SOX5: variants seen among roughly 807,000 people sequenced by gnomAD.
SOX5 encodes transcription factor SOX-5.
A neutral mutation model predicts 92.0 loss-of-function variants in SOX5; 9 were observed. The ratio of observed to expected loss-of-function variants is 0.10; its 90% CI spans 0.06 to 0.17. The LOEUF (loss-of-function observed/expected upper bound fraction) is 0.17. SOX5 is among the 10% of genes least tolerant of loss of function. The pLI is 1.00. For synonymous variants in SOX5, 344 were observed against 336.3 expected (o/e 1.02, Z -0.25); for missense variants, 642 against 944.5 (o/e 0.68, Z 4.20).
chr12:23,736,636 C>T (rs2093604950), intron 5 of SOX5, among the ~76,000 whole-genome samples: 2 of 148,002 alleles, frequency 1.4e-5, no homozygotes, highest in African/African-American at 2.5e-5. Flanking sequence ...TATTTTAATG[C>T]TTTAATTTTA....
At chr12:24,181,284 T>C (rs1271881865) in intron 4 of SOX5, among the ~76,000 whole-genome samples, 3 of 152,208 alleles carry the variant, frequency 2.0e-5, no homozygotes, top group Non-Finnish European at 4.4e-5. Context: ...TACTTAACTT[T>C]GGTTGGATTC....
intron 1 of SOX5, among the ~76,000 whole-genome samples, chr12:24,416,217 C>T (rs979834382): frequency 6.6e-6 from 1 of 152,194 alleles, no homozygotes; most frequent in Non-Finnish European, 1.5e-5. Flanking sequence ...ATCTCAGGAG[C>T]TCTAAGAAGC....
At chr12:24,481,808 C>A (rs1424493830) in intron 1 of SOX5, among the ~76,000 whole-genome samples, 5 of 152,306 alleles carry the variant, frequency 3.3e-5, no homozygotes, top group African/African-American at 7.2e-5. Flanking sequence ...GCTTTCTCAG[C>A]ACTGGGCTTG....
In SOX5 at chr12:24,388,606, C is replaced by A. The variant is rs187410720; in HGVS notation, c.-250-19967G>T. Among the ~76,000 whole-genome samples, 225 of 152,204 alleles carry A rather than the reference C, an allele frequency of 1.5e-3. 1 individual carries two copies. The highest frequency in any genetic ancestry group is 5.2e-3 in the African/African-American group (217 of 41,528). ...CCTTGGTTTGTTTTCTTTAAAACAA[C>A]TTTTTTGAGATGTTTATATAATACA... On this transcript the variant is annotated intron_variant, in intron 1 of 4. Transcript: ENST00000446891.
chr12:24,269,273 C>T (rs559091929), intron 3 of SOX5, among the ~76,000 whole-genome samples: 2 of 152,254 alleles, frequency 1.3e-5, no homozygotes, highest in South Asian at 2.1e-4. Flanking sequence ...CAAATGACAA[C>T]CACTTAGGAT....
chr12:24,310,401 A>G (rs1949055804), intron 2 of SOX5, among the ~76,000 whole-genome samples: 1 of 152,236 alleles, frequency 6.6e-6, no homozygotes, highest in Admixed American at 6.5e-5. Flanking sequence ...ACTTTGTGAT[A>G]TACCTTTACA....
rs185184106 is a variant in SOX5, at chr12:23,970,078, A to G, written c.-1-74054T>C. On this transcript the variant is annotated intron_variant, in intron 4 of 4. Coordinates refer to the SOX5 transcript ENST00000446891. ...AGTACACCCTACTGACATATAACACATTCTTGCTGTGCAACAGTTTATCAC... is the reference window on the plus strand; with the variant it reads ...AGTACACCCTACTGACATATAACACGTTCTTGCTGTGCAACAGTTTATCAC... Among the ~76,000 whole-genome samples, 45 of 152,258 alleles carry G rather than the reference A, an allele frequency of 3.0e-4. No individual in the cohort carries two copies. The East Asian group carries it at 8.3e-3, about 28-fold the overall frequency.
intron 7 of SOX5, among the ~76,000 whole-genome samples, chr12:23,648,627 C>T (rs553893978): frequency 6.6e-6 from 1 of 152,238 alleles, no homozygotes; most frequent in African/African-American, 2.4e-5. Context: ...AGGTGGTCAT[C>T]TACAGGCTGC....
chr12:24,473,343 G>A (rs1945007044), intron 1 of SOX5, among the ~76,000 whole-genome samples: 1 of 152,244 alleles, frequency 6.6e-6, no homozygotes, highest in Non-Finnish European at 1.5e-5. Context: ...CTGCCCCCAT[G>A]AAGTCACTGA....
At chr12:23,883,180 C>CAAA (rs71059941) in intron 2 of SOX5, among the ~76,000 whole-genome samples, 33 of 136,980 alleles carry the variant, frequency 2.4e-4, no homozygotes, top group Middle Eastern at 3.7e-3. Context: ...GACTCCATCT[C>CAAA]AAAAAAAAAA....
At chr12:24,080,590 T>C (rs1943208129) in intron 4 of SOX5, among the ~76,000 whole-genome samples, 1 of 152,046 alleles carries the variant, frequency 6.6e-6, no homozygotes, top group African/African-American at 2.4e-5. Context: ...GTCTATTTAC[T>C]TCACCCAGGA....
At chr12:24,084,477 A>T (rs1225897702) in intron 4 of SOX5, among the ~76,000 whole-genome samples, 1 of 152,040 alleles carries the variant, frequency 6.6e-6, no homozygotes, top group African/African-American at 2.4e-5. Context: ...TTGCTCCTTC[A>T]TTATCCTTTA....
chr12:24,357,627 G>A (rs1955016363), intron 2 of SOX5, among the ~76,000 whole-genome samples: 1 of 152,090 alleles, frequency 6.6e-6, no homozygotes, highest in Admixed American at 6.5e-5. Context: ...TGGATTGCCT[G>A]AGCTCAGGAG....
At chr12:23,546,239 T>C (rs1424474826) in intron 12 of SOX5, 77 bp downstream of exon 12, 1 of 825,988 alleles carries the variant, frequency 1.2e-6, no homozygotes, top group Non-Finnish European at 2.0e-6. Context: ...GTCTAGTCTA[T>C]TTTTTAGCAG....
chr12:23,935,329 C>T (rs558790883), intron 1 of SOX5, among the ~76,000 whole-genome samples: 4 of 151,282 alleles, frequency 2.6e-5, no homozygotes, highest in African/African-American at 9.7e-5. Context: ...TCATCATCAA[C>T]TTTTCTAAAT....
chr12:23,665,628 C>T, intron 6 of SOX5, 64 bp from the exon 7 acceptor site: 1 of 1,512,980 alleles, frequency 6.6e-7, no homozygotes, highest in Non-Finnish European at 8.9e-7. Context: ...TCTTCCCACC[C>T]TCCTTATTTC....
intron 3 of SOX5, among the ~76,000 whole-genome samples, chr12:23,833,829 A>G (rs547976536): frequency 8.5e-5 from 13 of 152,072 alleles, no homozygotes; most frequent in African/African-American, 3.1e-4. Flanking sequence ...GAAGAGTGTG[A>G]GGATATATTT....
chr12:24,352,698 C>G (rs1421800649), intron 2 of SOX5, among the ~76,000 whole-genome samples: 2 of 151,982 alleles, frequency 1.3e-5, no homozygotes, highest in Non-Finnish European at 2.9e-5. Context: ...TATTACATAC[C>G]TTCTCCTTAA....
intron 8 of SOX5, among the ~76,000 whole-genome samples, chr12:23,614,340 T>C (rs2076301028): frequency 6.6e-6 from 1 of 152,202 alleles, no homozygotes; most frequent in Non-Finnish European, 1.5e-5. Flanking sequence ...AATAACACAT[T>C]CCTTTTACTT....
Sources: gnomAD v4.1 joint callset for allele counts (sites outside exome capture counted in the v4.1 genomes callset) on GRCh38, gnomAD v4.1.1 for gene constraint, MANE v1.5 for transcripts, NCBI Gene and HGNC (gene_info 2026-07-23, HGNC 2026-07-21) for gene names.